Variants in CHKA observed in about 807,000 individuals in gnomAD.
CHKA encodes the protein CHETK-alpha.
CHKA carries 34 observed loss-of-function variants against 60.1 expected under a neutral mutation model. The observed-to-expected ratio is 0.57, with a 90% CI of 0.43 to 0.75. The LOEUF (loss-of-function observed/expected upper bound fraction) is 0.75, where lower values mean the gene tolerates loss of function less well. CHKA is among the 30% of genes least tolerant of loss of function. The probability of loss-of-function intolerance (pLI) is 0.00; values close to 1 mark genes in which losing one functional copy is unlikely to be tolerated. For missense variants in CHKA, 563 were observed against 561.3 expected, an observed-to-expected ratio of 1.00 and a Z score of -0.03; for synonymous variants, 217 against 223.1, an observed-to-expected ratio of 0.97 and a Z score of 0.24.
At chr11:68,077,397 A>G (rs1372057601) in intron 3 of CHKA, among the ~76,000 whole-genome samples, 2 of 152,196 alleles carry the variant, frequency 1.3e-5, no homozygotes, top group Non-Finnish European at 2.9e-5. Context: ...GAAAGTGAGC[A>G]TGGTAAAAAG....
intron 4 of CHKA, among the ~76,000 whole-genome samples, chr11:68,071,667 T>C (rs1263235245): frequency 6.6e-6 from 1 of 152,196 alleles, no homozygotes; most frequent in African/African-American, 2.4e-5. Flanking sequence ...GAAACCTCAG[T>C]TGAAATTGTG....
At chr11:68,111,453 C>A (rs971577419) in intron 1 of CHKA, among the ~76,000 whole-genome samples, 1 of 151,754 alleles carries the variant, frequency 6.6e-6, no homozygotes, top group Non-Finnish European at 1.5e-5. Flanking sequence ...GTGGTACACA[C>A]CTGTAATCCC....
chr11:68,112,602 G>A (rs117668070), intron 1 of CHKA, among the ~76,000 whole-genome samples: 2,784 of 152,166 alleles, frequency 0.018, 39 homozygotes, highest in Non-Finnish European at 0.031. Flanking sequence ...ATCCATGAAA[G>A]AAATAATTGA....
At chr11:68,071,522 T>C (rs936991471) in intron 4 of CHKA, among the ~76,000 whole-genome samples, 1 of 152,242 alleles carries the variant, frequency 6.6e-6, no homozygotes, top group Non-Finnish European at 1.5e-5. Flanking sequence ...AGGAGGCCCA[T>C]GGGAGCTCAC....
intron 1 of CHKA, among the ~76,000 whole-genome samples, chr11:68,099,681 G>A (rs907811039): frequency 1.1e-4 from 16 of 152,152 alleles, no homozygotes; most frequent in Non-Finnish European, 1.8e-4. Flanking sequence ...GAATCCCCCT[G>A]CCGCGTCTGG....
At chr11:68,086,941 G>A (rs985041166) in intron 2 of CHKA, among the ~76,000 whole-genome samples, 4 of 152,126 alleles carry the variant, frequency 2.6e-5, no homozygotes, top group East Asian at 1.9e-4. Context: ...AGCAGAGATC[G>A]TGCCACTTCA....
Position 68,070,671 on chromosome 11 carries a change from C to A in CHKA, c.764+53G>T. On this transcript the variant is annotated intron_variant, in intron 5 of 11. Coordinates refer to ENST00000265689, the MANE Select transcript of CHKA (RefSeq NM_001277.3). ...AAACAAATGCTCACTTATGGTACTT[C>A]TGGGAGCCACCACTGTAAAACTATG... 3.2e-6 allele frequency: 5 copies of A among 1,581,082 alleles called. 1 individual carries two copies. In the South Asian group the frequency reaches 5.7e-5, roughly 18 times the overall value.
At chr11:68,105,229 T>A (rs1857868165) in intron 1 of CHKA, among the ~76,000 whole-genome samples, 1 of 149,644 alleles carries the variant, frequency 6.7e-6, no homozygotes, top group South Asian at 2.1e-4. Flanking sequence ...AAATATGTCA[T>A]CTCTAGGCCG....
intron 1 of CHKA, among the ~76,000 whole-genome samples, chr11:68,110,412 C>G (rs181749138): frequency 1.3e-5 from 2 of 152,158 alleles, no homozygotes; most frequent in East Asian, 3.9e-4. Context: ...CTGCAAGATA[C>G]AAGGTTAATA....
chr11:68,070,009 G>A (rs1856564106), intron 6 of CHKA, among the ~76,000 whole-genome samples, 180 bp downstream of exon 6: 1 of 152,198 alleles, frequency 6.6e-6, no homozygotes. Flanking sequence ...CTAGTCCATA[G>A]AGTCCATAAT....
At chr11:68,104,523 C>T (rs543877110) in intron 1 of CHKA, among the ~76,000 whole-genome samples, 146 of 152,108 alleles carry the variant, frequency 9.6e-4, no homozygotes, top group African/African-American at 3.4e-3. Flanking sequence ...CAGGTTTAAG[C>T]GGTTCTCATG....
chr11:68,107,558 T>C (rs1857959401), intron 1 of CHKA, among the ~76,000 whole-genome samples: 1 of 151,854 alleles, frequency 6.6e-6, no homozygotes, highest in Admixed American at 6.6e-5. Flanking sequence ...CCAAATTCTC[T>C]CCTCCTTTCC....
rs567133469 is a variant in CHKA, at chr11:68,062,137, C to G, written c.1233-103G>C. ...ATGGACATTTTAACTTGTGTGGATG[C>G]AAACCTAGTTAGTGTTGGCAAATCA... On this transcript the variant is annotated intron_variant, in intron 10 of 11. Transcript: ENST00000265689. 20 of 811,168 alleles carry G rather than the reference C, an allele frequency of 2.5e-5. No individual in the cohort carries two copies. In the South Asian group the frequency reaches 3.2e-4, roughly 13 times the overall value. The allele number at this position is 811,168 out of a possible 1,614,324, so 50.2% of individuals were successfully genotyped here. A position where few individuals can be genotyped will look rare whatever the true frequency, so the allele number is the denominator to read the frequency against.
chr11:68,064,909 A>G (rs1385954745), intron 9 of CHKA, among the ~76,000 whole-genome samples: 1 of 152,188 alleles, frequency 6.6e-6, no homozygotes, highest in Non-Finnish European at 1.5e-5. Flanking sequence ...ACTGGAGACC[A>G]CTATTTTGGA....
At chr11:68,101,421 G>C (rs1857717787) in intron 1 of CHKA, among the ~76,000 whole-genome samples, 2 of 151,966 alleles carry the variant, frequency 1.3e-5, no homozygotes, top group South Asian at 4.1e-4. Context: ...AAACCCTAAA[G>C]ACCCCACCAA....
chr11:68,055,694 A>G (rs1792341211), intron 11 of CHKA, among the ~76,000 whole-genome samples: 1 of 152,174 alleles, frequency 6.6e-6, no homozygotes. Context: ...AAACACATGA[A>G]AAGATTCTTA....
At chr11:68,081,659 T>A in intron 2 of CHKA, 1 of 511,532 alleles carries the variant, frequency 2.0e-6, no homozygotes, top group South Asian at 2.5e-5. Context: ...AGTGCTTCAT[T>A]GCTTTACGAG....
rs372503324 is a variant in CHKA at position 68,068,866 on chromosome 11, T to C, written c.928+13A>G. ...CACAAACCTCATCTGTAACAGAACA[T>C]AGCAATTCTTACCTTCTTGACAGTC... is the stretch of plus-strand genomic sequence containing the variant. On this transcript the variant is annotated intron_variant, in intron 7 of 11. Transcript: ENST00000265689. 5.3e-5 allele frequency: 85 copies of C among 1,590,828 alleles called. No homozygotes were observed. Among genetic ancestry groups the C allele is most frequent in the Non-Finnish European group, 5.8e-5 (67 of 1,159,408 alleles).
intron 11 of CHKA, among the ~76,000 whole-genome samples, chr11:68,058,883 T>C (rs1319909497): frequency 6.6e-6 from 1 of 152,140 alleles, no homozygotes; most frequent in Admixed American, 6.6e-5. Context: ...CTAGTGATAA[T>C]GTTGGCTGTG....
Sources: allele counts gnomAD v4.1 joint callset (sites outside exome capture counted in the v4.1 genomes callset), GRCh38; gene constraint gnomAD v4.1.1; transcripts MANE v1.5; gene names NCBI Gene and HGNC (gene_info 2026-07-23, HGNC 2026-07-21).